Variants in DAB1 observed in about 807,000 individuals in gnomAD.
DAB1 encodes DAB adaptor protein 1, also known as disabled homolog 1.
DAB1 carries 15 observed loss-of-function variants against 64.6 expected under a neutral mutation model. The observed-to-expected ratio is 0.23, with a 90% CI of 0.16 to 0.36. The LOEUF (loss-of-function observed/expected upper bound fraction) is 0.36. Ranked by LOEUF, DAB1 falls within the 10% of genes least tolerant of loss-of-function variation. The pLI, the probability that DAB1 is intolerant of heterozygous loss-of-function variation, is 1.00. For missense variants in DAB1, 596 were observed against 706.7 expected (o/e 0.84, Z 1.78); for synonymous variants, 235 against 251.9 (o/e 0.93, Z 0.64).
intron 4 of DAB1, among the ~76,000 whole-genome samples, chr1:58,246,652 G>C (rs1660549211): frequency 6.6e-6 from 1 of 151,908 alleles, no homozygotes; most frequent in Admixed American, 6.6e-5. Context: ...ATGGTAGTGA[G>C]TGATGTAGGT....
intron 3 of DAB1, among the ~76,000 whole-genome samples, chr1:58,363,388 A>G (rs1053703186): frequency 6.6e-6 from 1 of 152,236 alleles, no homozygotes; most frequent in Non-Finnish European, 1.5e-5. Flanking sequence ...TGATAGGCTA[A>G]GAAAATCTAG....
At chr1:57,864,654 AT>A (rs1321461178) in intron 1 of DAB1, 1 of 90,800 alleles carries the variant, frequency 1.1e-5, no homozygotes, top group Non-Finnish European at 2.7e-5. Context: ...TTTTAAAAAA[AT>A]TTATTTATTT....
In DAB1 at chr1:57,746,071, G is replaced by C. The variant is rs558178659; in HGVS notation, n.552-96406C>G. On this transcript the variant is annotated intron_variant and non_coding_transcript_variant, in intron 6 of 20. Coordinates refer to the DAB1 transcript ENST00000485760. ...TGTCTCATTATGTAAACACTTTAGCGATCCTTTCCCCAATTGATGAACATA... is the reference window on the plus strand; with the variant it reads ...TGTCTCATTATGTAAACACTTTAGCCATCCTTTCCCCAATTGATGAACATA... 3.9e-5 allele frequency among the ~76,000 whole-genome samples: 6 copies of C among 152,190 alleles called. No individual in the cohort carries two copies. In the South Asian group the frequency reaches 1.2e-3, roughly 32 times the overall value.
At chr1:57,827,938 A>G (rs904300697) in intron 1 of DAB1, among the ~76,000 whole-genome samples, 47 of 151,872 alleles carry the variant, frequency 3.1e-4, no homozygotes, top group African/African-American at 1.1e-3. Flanking sequence ...GATCATCCCT[A>G]TCTTTGTTTG....
chr1:57,356,948 A>G (rs1376601708), intron 1 of DAB1, among the ~76,000 whole-genome samples: 1 of 151,990 alleles, frequency 6.6e-6, no homozygotes, highest in Non-Finnish European at 1.5e-5. Flanking sequence ...TGGCTTTAAG[A>G]GACTTACTTT....
At chr1:58,441,246 T>C (rs1315868034) in intron 3 of DAB1, among the ~76,000 whole-genome samples, 1 of 152,188 alleles carries the variant, frequency 6.6e-6, no homozygotes, top group Non-Finnish European at 1.5e-5. Context: ...ACTCAGAATG[T>C]CTGCTCTAAA....
chr1:57,877,606 T>C lies in DAB1; in HGVS notation n.87+6393A>G, dbSNP rs1237271877. Among the ~76,000 whole-genome samples, 2 of 81,254 alleles carry C rather than the reference T, an allele frequency of 2.5e-5. 1 individual carries two copies. The highest frequency in any genetic ancestry group is 4.9e-5 in the Non-Finnish European group (2 of 41,222). 53.3% of individuals were successfully genotyped at this position (81,254 alleles called of 152,430 possible). On this transcript the variant is annotated intron_variant and non_coding_transcript_variant, in intron 1 of 1. Coordinates refer to the DAB1 transcript ENST00000477280. ...TCTCGCTCTGTCGCCCAGGCCGGAC[T>C]GCGGACTGCAGTGGCGCAATCTCGG...
At chr1:58,536,576 C>G (rs1646520671) in intron 1 of DAB1, 1 of 872,672 alleles carries the variant, frequency 1.1e-6, no homozygotes, top group African/African-American at 1.6e-5. Context: ...GTAGCTTGCT[C>G]CTTCCTGTGA....
In DAB1 at chr1:58,240,046, C is replaced by T. The variant is rs114172051; in HGVS notation, n.310-89458G>A. ...GGAGGTGGAGTGCAAAAGAAGTAGGCGACTGCTGCCTTGCACTCCATCTTA... is the reference window on the plus strand; with the variant it reads ...GGAGGTGGAGTGCAAAAGAAGTAGGTGACTGCTGCCTTGCACTCCATCTTA... On this transcript the variant is annotated intron_variant and non_coding_transcript_variant, in intron 4 of 20. Transcript: ENST00000485760. Among the ~76,000 whole-genome samples, 527 of 152,268 alleles carry T rather than the reference C, an allele frequency of 3.5e-3. 4 individuals carry two copies. Among genetic ancestry groups the T allele is most frequent in the African/African-American group, 0.012 (506 of 41,558 alleles).
chr1:58,541,923 C>T (rs918913390), intron 1 of DAB1, among the ~76,000 whole-genome samples: 4 of 152,136 alleles, frequency 2.6e-5, no homozygotes, highest in African/African-American at 9.7e-5. Flanking sequence ...AATTTTTCTG[C>T]ATGTTTCAAA....
intron 5 of DAB1, chr1:58,048,380 C>A: frequency 1.1e-6 from 1 of 937,052 alleles, no homozygotes; most frequent in Non-Finnish European, 1.8e-6. Flanking sequence ...ACCTCCAAAA[C>A]TGCTTCCACT....
intron 1 of DAB1, among the ~76,000 whole-genome samples, chr1:57,355,873 AACACACACACACACACACACACACACAC>A (rs10529674): frequency 0.43 from 63,595 of 146,380 alleles, 13,947 homozygotes; most frequent in African/African-American, 0.48. Flanking sequence ...AACCTCAATA[AACACACACACACACACACACACACACAC>A]ACACACACAC....
intron 6 of DAB1, among the ~76,000 whole-genome samples, chr1:57,802,892 TG>T (rs1195910806): frequency 6.6e-6 from 1 of 152,190 alleles, no homozygotes; most frequent in Admixed American, 6.5e-5. Flanking sequence ...ATTAACAGTC[TG>T]TCATGGTTGT....
At chr1:57,036,912 G>T (rs1365716338) in intron 9 of DAB1, among the ~76,000 whole-genome samples, 1 of 152,130 alleles carries the variant, frequency 6.6e-6, no homozygotes, top group Non-Finnish European at 1.5e-5. Context: ...CCAGATTCAT[G>T]TTATTCTTAC....
chr1:57,784,874 T>C (rs373417689), intron 6 of DAB1, among the ~76,000 whole-genome samples: 6 of 152,208 alleles, frequency 3.9e-5, no homozygotes, highest in Admixed American at 6.5e-5. Context: ...CAGATTTTCA[T>C]TGAAGATAAA....
At chr1:58,256,506 G>A (rs1253620402) in intron 4 of DAB1, among the ~76,000 whole-genome samples, 1 of 152,234 alleles carries the variant, frequency 6.6e-6, no homozygotes, top group African/African-American at 2.4e-5. Context: ...ATTAGCAGAT[G>A]TTAAATTGTG....
intron 3 of DAB1, among the ~76,000 whole-genome samples, chr1:58,475,024 G>A (rs928299784): frequency 5.3e-5 from 8 of 152,108 alleles, no homozygotes; most frequent in East Asian, 1.9e-4. Context: ...ATCATCTGGC[G>A]AATGGATTGG....
intron 5 of DAB1, among the ~76,000 whole-genome samples, chr1:57,992,092 C>G (rs1646352544): frequency 6.6e-6 from 1 of 152,096 alleles, no homozygotes; most frequent in Non-Finnish European, 1.5e-5. Flanking sequence ...GACTATGAAA[C>G]TAATACAATA....
chr1:57,554,326 A>G (rs1644962236), intron 7 of DAB1, among the ~76,000 whole-genome samples: 1 of 152,242 alleles, frequency 6.6e-6, no homozygotes, highest in Non-Finnish European at 1.5e-5. Context: ...GTAAGCTGCG[A>G]AAGTCGCTTG....
Sources: gnomAD v4.1 joint callset for allele counts (sites outside exome capture counted in the v4.1 genomes callset) on GRCh38, gnomAD v4.1.1 for gene constraint, MANE v1.5 for transcripts, NCBI Gene and HGNC (gene_info 2026-07-23, HGNC 2026-07-21) for gene names.